The following PAWR variants were observed in gnomAD, a reference collection of about 807,000 sequenced individuals.
The protein encoded by PAWR is pro-apoptotic WT1 regulator.
Under a neutral mutation model 32.0 loss-of-function variants are expected in PAWR, and 23 were observed. The observed-to-expected ratio is 0.72, with a 90% CI of 0.52 to 1.02. The LOEUF is 1.02. Ranked by LOEUF, PAWR falls within the 50% of genes least tolerant of loss-of-function variation. The pLI is 0.00. For missense variants in PAWR, 457 were observed against 437.7 expected (o/e 1.04, Z -0.39); for synonymous variants, 226 against 187.1 (o/e 1.21, Z -1.70).
At chr12:79,667,857 A>G (rs1224161411) in intron 2 of PAWR, 2 of 152,134 alleles carry the variant, frequency 1.3e-5, no homozygotes, top group African/African-American at 4.8e-5. Flanking sequence ...GTTCACACAT[A>G]GGGTTGATAA....
rs975319272 is a variant in PAWR at position 79,589,234 on chromosome 12, A to C, written c.*3373T>G. The C allele has an allele frequency of 2.0e-5, 3 of 152,008 alleles. No individual in the cohort carries two copies. Among genetic ancestry groups the C allele is most frequent in the African/African-American group, 7.2e-5 (3 of 41,438 alleles). The allele number at this position is 152,008 out of a possible 1,614,324, so 9.4% of individuals were successfully genotyped here. A position where few individuals can be genotyped will look rare whatever the true frequency, so the allele number is the denominator to read the frequency against. The stretch of plus-strand genomic sequence containing the variant: ...ATATGAATACTGTCCAGGATATCAG[A>C]TCAATTATCAAATCCAAGGTCTCTG... On this transcript the variant is annotated 3_prime_UTR_variant, in exon 7 of 7. Coordinates refer to ENST00000328827, the MANE Select transcript of PAWR (RefSeq NM_002583.4).
rs750531784 is a variant in PAWR, at chr12:79,621,084, G to C, written c.640C>G (p.Leu214Val). 1 of 1,597,430 alleles carries C rather than the reference G, an allele frequency of 6.3e-7. No individual in the cohort carries two copies. The change falls in exon 3 of 7, where the codon CTG (leucine) becomes GTG (valine). Residue 214 changes from leucine to valine, a missense_variant. Coordinates refer to ENST00000328827, the MANE Select transcript of PAWR (RefSeq NM_002583.4). ...TATTTTTAAATACTCACCTGTAGCA[G>C]ATAGGAACTGCCTGGATCTAGTAAG... ...VNLLDPGSSY[L>V]LQEPPRTVSG...
intron 2 of PAWR, among the ~76,000 whole-genome samples, chr12:79,687,978 AG>A (rs1878763750): frequency 6.6e-6 from 1 of 152,128 alleles, no homozygotes; most frequent in Non-Finnish European, 1.5e-5. Flanking sequence ...TTCAATAAAA[AG>A]GTTCAAACTC....
At chr12:79,677,095 C>A (rs1878205701) in intron 2 of PAWR, among the ~76,000 whole-genome samples, 1 of 152,168 alleles carries the variant, frequency 6.6e-6, no homozygotes, top group Non-Finnish European at 1.5e-5. Flanking sequence ...GGTAACAGAA[C>A]AGCTGTATTA....
chr12:79,603,829 C>T (rs571709398), intron 4 of PAWR: 17 of 152,128 alleles, frequency 1.1e-4, no homozygotes, highest in African/African-American at 3.9e-4. Context: ...CGCCCGCCAC[C>T]ACGCCCGGCT....
chr12:79,646,268 AG>A (rs1310362438), intron 2 of PAWR, among the ~76,000 whole-genome samples: 1 of 152,174 alleles, frequency 6.6e-6, no homozygotes, highest in Non-Finnish European at 1.5e-5. Context: ...CTGTAGTAGT[AG>A]TACTAAGGAC....
At chr12:79,624,552 C>A (rs1875186063) in intron 2 of PAWR, among the ~76,000 whole-genome samples, 1 of 152,168 alleles carries the variant, frequency 6.6e-6, no homozygotes, top group Non-Finnish European at 1.5e-5. Flanking sequence ...ACGTTCCAGG[C>A]AGCTTTTAGT....
At chr12:79,664,661 G>GC (rs367569953) in intron 2 of PAWR, among the ~76,000 whole-genome samples, 10 of 148,942 alleles carry the variant, frequency 6.7e-5, no homozygotes, top group Non-Finnish European at 7.4e-5. Context: ...TCTTTGGCGG[G>GC]GGGGGGAGGA....
chr12:79,653,194 C>T (rs895965597), intron 2 of PAWR, among the ~76,000 whole-genome samples: 4 of 151,910 alleles, frequency 2.6e-5, no homozygotes, highest in Non-Finnish European at 1.5e-5. Context: ...CACGACCACA[C>T]TCAGCTAATT....
At chr12:79,603,464 T>C (rs1202261036) in intron 4 of PAWR, among the ~76,000 whole-genome samples, 1 of 152,080 alleles carries the variant, frequency 6.6e-6, no homozygotes, top group Non-Finnish European at 1.5e-5. Flanking sequence ...TCCAACTTTC[T>C]GCATCCATCC....
At chr12:79,617,479 G>A (rs1381194222) in intron 3 of PAWR, among the ~76,000 whole-genome samples, 2 of 152,110 alleles carry the variant, frequency 1.3e-5, no homozygotes, top group African/African-American at 2.4e-5. Context: ...GCAATTAAAG[G>A]TGGAGTTTAA....
At chr12:79,634,774 GAA>G (rs559202786) in intron 2 of PAWR, among the ~76,000 whole-genome samples, 1 of 146,932 alleles carries the variant, frequency 6.8e-6, no homozygotes, top group Non-Finnish European at 1.5e-5. Flanking sequence ...AATTGCAGCT[GAA>G]AAAAAAAAGA....
intron 2 of PAWR, among the ~76,000 whole-genome samples, chr12:79,638,863 CATAT>C (rs1555237600): frequency 0.032 from 257 of 8,144 alleles, 13 homozygotes; most frequent in Non-Finnish European, 0.043. Flanking sequence ...GAGATGGAGT[CATAT>C]ATATATATAT....
intron 2 of PAWR, among the ~76,000 whole-genome samples, chr12:79,679,404 A>C (rs1878329697): frequency 6.6e-6 from 1 of 151,918 alleles, no homozygotes; most frequent in South Asian, 2.1e-4. Flanking sequence ...ACACTGGTAC[A>C]AAAAAAAGGT....
At position 79,594,341 on chromosome 12, in the gene PAWR, A is replaced by G; in HGVS notation, c.924T>C (p.Asp308=). 6.8e-7 allele frequency: 1 copy of G among 1,467,110 alleles called. No homozygotes were observed. The highest frequency in any genetic ancestry group is 9.4e-7 in the Non-Finnish European group (1 of 1,058,264). The allele number at this position is 1,467,110 out of a possible 1,614,324, so 90.9% of individuals were successfully genotyped here. A position where few individuals can be genotyped will look rare whatever the true frequency, so the allele number is the denominator to read the frequency against. ...GTGAAATACTTACTCTATTTAATAA[A>G]TCAATTTCTTCTTTGAGTTTTCCAA... ...EMIGKLKEEI[D]LLNRDLDDIE... Residue 308 remains aspartate, a synonymous_variant, in exon 6 of 7, where the codon GAT becomes GAC. Transcript: ENST00000328827.
chr12:79,613,537 T>G (rs769740123), intron 4 of PAWR, 38 bp downstream of exon 4: 1 of 1,158,058 alleles, frequency 8.6e-7, no homozygotes, highest in Non-Finnish European at 1.3e-6. Flanking sequence ...GACATTACAT[T>G]CATGTCTACA....
intron 4 of PAWR, among the ~76,000 whole-genome samples, chr12:79,606,543 C>T (rs1459825197): frequency 6.6e-6 from 1 of 151,980 alleles, no homozygotes; most frequent in Non-Finnish European, 1.5e-5. Flanking sequence ...ACAGCTAAAA[C>T]AAAGTAAAGA....
intron 2 of PAWR, among the ~76,000 whole-genome samples, chr12:79,633,642 A>G (rs1480396301): frequency 8.5e-5 from 13 of 152,186 alleles, no homozygotes; most frequent in Non-Finnish European, 1.6e-4. Flanking sequence ...TATAAATTGC[A>G]AAGAGAAAAG....
chr12:79,610,694 G>C (rs535977687), intron 4 of PAWR, among the ~76,000 whole-genome samples: 4 of 151,034 alleles, frequency 2.6e-5, no homozygotes, highest in African/African-American at 7.3e-5. Flanking sequence ...GGGAGGCAGA[G>C]TTGGGAGGAT....
Sources: allele counts gnomAD v4.1 joint callset (sites outside exome capture counted in the v4.1 genomes callset), GRCh38; gene constraint gnomAD v4.1.1; transcripts MANE v1.5; gene names NCBI Gene and HGNC (gene_info 2026-07-23, HGNC 2026-07-21).